NTM: variants seen among roughly 807,000 people sequenced by gnomAD.
The protein encoded by NTM is IgLON family member 2.
In NTM, 13 loss-of-function variants were observed where a neutral mutation model predicts 42.1. The ratio of observed to expected loss-of-function variants is 0.31; its 90% CI spans 0.20 to 0.49. The LOEUF is 0.49. Among genes scored for constraint, NTM ranks in the 20% least tolerant of loss-of-function variants. The pLI is 0.99. For missense variants in NTM, 373 were observed against 452.8 expected, an observed-to-expected ratio of 0.82 and a Z score of 1.60; for synonymous variants, 187 against 179.2, an observed-to-expected ratio of 1.04 and a Z score of -0.35.
chr11:131,525,823 C>CTT (rs2050394646), intron 1 of NTM, among the ~76,000 whole-genome samples: 1 of 151,836 alleles, frequency 6.6e-6, no homozygotes, highest in South Asian at 2.1e-4. Context: ...CAATAACAAA[C>CTT]TTGTAGGGTT....
rs1323907715 is a variant in NTM, at chr11:131,616,160, C to T, written c.82+245272C>T. 3.3e-5 allele frequency among the ~76,000 whole-genome samples: 5 copies of T among 152,206 alleles called. No individual in the cohort carries two copies. In the East Asian group the frequency reaches 9.6e-4, roughly 29 times the overall value. ...GCAAATCATCTACAAATAAGGGTTA[C>T]AGGCTCTGTACAGGGGACAGAGATG... On this transcript the variant is annotated intron_variant, in intron 1 of 8. Coordinates refer to ENST00000683400, the MANE Select transcript of NTM (RefSeq NM_001352005.2).
chr11:131,892,578 A>G (rs767914136), intron 1 of NTM, among the ~76,000 whole-genome samples: 3 of 152,200 alleles, frequency 2.0e-5, no homozygotes, highest in Non-Finnish European at 4.4e-5. Flanking sequence ...AGTGCCTCTA[A>G]TGAGCATTTG....
At chr11:132,026,020 G>A (rs2075125674) in intron 2 of NTM, among the ~76,000 whole-genome samples, 1 of 152,154 alleles carries the variant, frequency 6.6e-6, no homozygotes, top group Non-Finnish European at 1.5e-5. Flanking sequence ...TGTGTCGTGT[G>A]TCTGTAAAAC....
At chr11:131,507,240 G>A (rs1188560900) in intron 1 of NTM, among the ~76,000 whole-genome samples, 1 of 152,140 alleles carries the variant, frequency 6.6e-6, no homozygotes, top group Non-Finnish European at 1.5e-5. Context: ...TGTATAAGGT[G>A]TAAGGAAGGG....
At chr11:131,810,571 G>A (rs896516454) in intron 1 of NTM, among the ~76,000 whole-genome samples, 1 of 152,146 alleles carries the variant, frequency 6.6e-6, no homozygotes, top group Non-Finnish European at 1.5e-5. Context: ...TGTCTGAATG[G>A]GTAAATGTGG....
chr11:131,957,281 C>A (rs2061655654), intron 2 of NTM, among the ~76,000 whole-genome samples: 1 of 152,182 alleles, frequency 6.6e-6, no homozygotes, highest in Non-Finnish European at 1.5e-5. Context: ...GTGATTATTG[C>A]TTTTATATTC....
intron 7 of NTM, among the ~76,000 whole-genome samples, chr11:132,328,625 C>T (rs554601096): frequency 2.5e-4 from 38 of 152,182 alleles, no homozygotes; most frequent in Admixed American, 1.1e-3. Flanking sequence ...TGAACCAGTA[C>T]GCCCATCACT....
intron 2 of NTM, among the ~76,000 whole-genome samples, chr11:131,954,467 C>T (rs931423201): frequency 6.6e-5 from 10 of 152,280 alleles, no homozygotes; most frequent in African/African-American, 2.2e-4. Context: ...ACTGGGTCCA[C>T]ATTAGGCCGA....
intron 1 of NTM, among the ~76,000 whole-genome samples, chr11:131,902,339 T>C (rs1051782380): frequency 6.6e-6 from 1 of 152,208 alleles, no homozygotes; most frequent in Admixed American, 6.5e-5. Flanking sequence ...TTAAAATGTG[T>C]GGGTGCCTTC....
chr11:132,010,435 A>C (rs1051739872), intron 2 of NTM, among the ~76,000 whole-genome samples: 14 of 152,156 alleles, frequency 9.2e-5, no homozygotes, highest in Admixed American at 9.2e-4. Context: ...CCTCTGCCTC[A>C]TACCTTCCCA....
chr11:132,062,004 A>C (rs1036951428), intron 2 of NTM, among the ~76,000 whole-genome samples: 1 of 152,104 alleles, frequency 6.6e-6, no homozygotes, highest in Non-Finnish European at 1.5e-5. Context: ...ATCTTCCACT[A>C]ACCATGCAGA....
chr11:132,147,139 C>T (rs566583948), intron 3 of NTM, among the ~76,000 whole-genome samples: 2 of 151,536 alleles, frequency 1.3e-5, no homozygotes, highest in African/African-American at 2.4e-5. Flanking sequence ...GCCTTCTTCT[C>T]CTCCCCTGAC....
intron 1 of NTM, among the ~76,000 whole-genome samples, chr11:131,495,639 CAGA>C (rs200007054): frequency 0.018 from 2,683 of 152,270 alleles, 236 homozygotes; most frequent in Admixed American, 0.15. Context: ...GGAGTGCGGC[CAGA>C]AGAAGCCGGC....
intron 1 of NTM, among the ~76,000 whole-genome samples, chr11:131,603,872 CTT>C (rs907369432): frequency 6.6e-6 from 1 of 152,114 alleles, no homozygotes; most frequent in Non-Finnish European, 1.5e-5. Flanking sequence ...TACCCCATTT[CTT>C]TTTATGGTCA....
In NTM at chr11:132,320,533, G is replaced by C. The variant is rs188760013; in HGVS notation, c.934+5830G>C. On this transcript the variant is annotated intron_variant, in intron 7 of 8. Coordinates refer to ENST00000683400, the MANE Select transcript of NTM (RefSeq NM_001352005.2). ...GCTGGCTCGGAGGGTCCTACCCCAC[G>C]GAGTCTCGCTGATTGCTAGCACAGC... is the stretch of plus-strand genomic sequence containing the variant. Among the ~76,000 whole-genome samples, 137 of 152,308 alleles carry C rather than the reference G, an allele frequency of 9.0e-4. 1 individual carries two copies. Among genetic ancestry groups the C allele is most frequent in the Admixed American group, 6.4e-3 (98 of 15,304 alleles).
chr11:132,190,598 G>A (rs966130257), intron 3 of NTM, among the ~76,000 whole-genome samples: 46 of 152,030 alleles, frequency 3.0e-4, no homozygotes, highest in African/African-American at 1.0e-3. Context: ...TTAGCTGGCC[G>A]CGGTGGCAGG....
intron 1 of NTM, among the ~76,000 whole-genome samples, chr11:131,864,444 TATC>T (rs2046941010): frequency 6.6e-6 from 1 of 152,174 alleles, no homozygotes; most frequent in African/African-American, 2.4e-5. Flanking sequence ...AAAGGCTAAT[TATC>T]ATTTTAAACC....
intron 2 of NTM, among the ~76,000 whole-genome samples, chr11:131,984,313 T>G (rs2065732839): frequency 6.6e-6 from 1 of 152,200 alleles, no homozygotes; most frequent in Admixed American, 6.5e-5. Context: ...TCCAAAGTCC[T>G]TTTAAATGGG....
intron 2 of NTM, among the ~76,000 whole-genome samples, chr11:132,050,611 G>A (rs1331796332): frequency 4.6e-5 from 7 of 152,160 alleles, no homozygotes; most frequent in Admixed American, 6.5e-5. Flanking sequence ...GGAGAGGTGC[G>A]TGCTCTGAGA....
Sources: allele counts gnomAD v4.1 joint callset (sites outside exome capture counted in the v4.1 genomes callset), GRCh38; gene constraint gnomAD v4.1.1; transcripts MANE v1.5; gene names NCBI Gene and HGNC (gene_info 2026-07-23, HGNC 2026-07-21).